The following ELP4 variants were observed in gnomAD, a reference collection of about 807,000 sequenced individuals.
ELP4 encodes the protein elongator complex protein 4.
Under a neutral mutation model 48.9 loss-of-function variants are expected in ELP4, and 51 were observed. The ratio of observed to expected loss-of-function variants is 1.04; its 90% CI spans 0.83 to 1.32. The LOEUF (loss-of-function observed/expected upper bound fraction) is 1.32, where lower values mean the gene tolerates loss of function less well. Ranked by LOEUF, ELP4 falls within the 40% of genes most tolerant of loss-of-function variation. ELP4 has a pLI of 0.00. For synonymous variants in ELP4, 210 were observed against 189.2 expected (o/e 1.11, Z -0.90); for missense variants, 519 against 514.6 (o/e 1.01, Z -0.08).
chr11:31,721,969 C>A (rs904099271), intron 9 of ELP4, among the ~76,000 whole-genome samples: 5 of 152,138 alleles, frequency 3.3e-5, no homozygotes, highest in African/African-American at 1.2e-4. Context: ...GCCTTCCTCG[C>A]TTTTATTATG....
chr11:31,620,431 A>G (rs1426317464), intron 5 of ELP4, among the ~76,000 whole-genome samples: 1 of 151,998 alleles, frequency 6.6e-6, no homozygotes, highest in African/African-American at 2.4e-5. Context: ...TACTAGGTGG[A>G]AAGAAAGTAG....
chr11:31,697,109 A>G (rs934688557), intron 9 of ELP4, among the ~76,000 whole-genome samples: 6 of 152,132 alleles, frequency 3.9e-5, no homozygotes, highest in Non-Finnish European at 8.8e-5. Flanking sequence ...AAGAAGAGCT[A>G]ACTATCCTAA....
At chr11:31,600,095 C>G (rs1317385152) in intron 4 of ELP4, 1 of 152,144 alleles carries the variant, frequency 6.6e-6, no homozygotes, top group East Asian at 1.9e-4. Context: ...CATATTACCA[C>G]TTACTAATGC....
intron 1 of ELP4, chr11:31,510,618 A>T (rs1181256687): frequency 2.6e-6 from 1 of 378,216 alleles, no homozygotes; most frequent in Admixed American, 4.5e-5. Flanking sequence ...ATCTGTGTAT[A>T]TATTTTTTAT....
intron 9 of ELP4, among the ~76,000 whole-genome samples, chr11:31,664,605 C>G (rs1196776813): frequency 1.3e-5 from 2 of 151,986 alleles, no homozygotes; most frequent in Non-Finnish European, 2.9e-5. Context: ...TTATTATAAC[C>G]TGATTTCTTC....
intron 2 of ELP4, among the ~76,000 whole-genome samples, chr11:31,538,516 T>C (rs1282194490): frequency 6.6e-6 from 1 of 150,490 alleles, no homozygotes; most frequent in Non-Finnish European, 1.5e-5. Context: ...TGATTAGAAG[T>C]GATGAAAGTG....
chr11:31,538,484 G>A (rs2133904406), intron 2 of ELP4, among the ~76,000 whole-genome samples: 1 of 149,458 alleles, frequency 6.7e-6, no homozygotes, highest in South Asian at 2.1e-4. Flanking sequence ...ACATTACACA[G>A]CTAAGACCTT....
intron 9 of ELP4, among the ~76,000 whole-genome samples, chr11:31,771,658 C>G (rs1008293230): frequency 6.6e-6 from 1 of 152,200 alleles, no homozygotes; most frequent in African/African-American, 2.4e-5. Context: ...ACTTCTTTCT[C>G]TGGGTCTTAT....
At chr11:31,578,356 T>C (rs1359456094) in intron 3 of ELP4, among the ~76,000 whole-genome samples, 5 of 152,094 alleles carry the variant, frequency 3.3e-5, no homozygotes, top group Non-Finnish European at 5.9e-5. Context: ...TGAAAATGAC[T>C]ATACTGCCCA....
At chr11:31,548,145 G>A (rs1481868815) in intron 3 of ELP4, among the ~76,000 whole-genome samples, 1 of 152,152 alleles carries the variant, frequency 6.6e-6, no homozygotes, top group Non-Finnish European at 1.5e-5. Flanking sequence ...AGGGCAATTA[G>A]GCAGGAGAAG....
intron 1 of ELP4, chr11:31,511,290 A>G (rs1273368042): frequency 1.3e-5 from 2 of 152,174 alleles, no homozygotes; most frequent in Non-Finnish European, 2.9e-5. Flanking sequence ...CTTACATTTG[A>G]ACTTTAAGTT....
At chr11:31,542,471 A>C (rs1306817121) in intron 3 of ELP4, among the ~76,000 whole-genome samples, 2 of 152,244 alleles carry the variant, frequency 1.3e-5, no homozygotes, top group African/African-American at 4.8e-5. Flanking sequence ...TATTAGAAGT[A>C]ACAATCCCCA....
intron 3 of ELP4, among the ~76,000 whole-genome samples, chr11:31,542,104 A>G (rs1451874008): frequency 6.6e-6 from 1 of 152,228 alleles, no homozygotes; most frequent in African/African-American, 2.4e-5. Flanking sequence ...AGCACAGGGT[A>G]TAGGAAACAA....
chr11:31,708,424 A>G (rs1339268655), intron 9 of ELP4, among the ~76,000 whole-genome samples: 3 of 152,184 alleles, frequency 2.0e-5, no homozygotes, highest in Non-Finnish European at 4.4e-5. Context: ...CAAGTGTATT[A>G]TACACATTTA....
At chr11:31,571,242 G>T (rs1252979129) in intron 3 of ELP4, among the ~76,000 whole-genome samples, 2 of 152,172 alleles carry the variant, frequency 1.3e-5, no homozygotes, top group African/African-American at 4.8e-5. Context: ...TAAATCCTTT[G>T]TTGTTATTTC....
At chr11:31,746,641 A>T (rs1032886471) in intron 9 of ELP4, among the ~76,000 whole-genome samples, 2 of 152,180 alleles carry the variant, frequency 1.3e-5, no homozygotes, top group Admixed American at 1.3e-4. Flanking sequence ...CGCAAGGACA[A>T]AAAACCAAAC....
At chr11:31,770,096 T>A (rs527578513) in intron 9 of ELP4, among the ~76,000 whole-genome samples, 19 of 152,242 alleles carry the variant, frequency 1.2e-4, no homozygotes, top group African/African-American at 4.6e-4. Flanking sequence ...AGGCACTAGA[T>A]CTGAAGCATC....
At chr11:31,630,518 A>G (rs1592173770) in intron 6 of ELP4, among the ~76,000 whole-genome samples, 1 of 151,910 alleles carries the variant, frequency 6.6e-6, no homozygotes, top group African/African-American at 2.4e-5. Flanking sequence ...TAGTAGAGAC[A>G]GGGTTTCACT....
chr11:31,515,728 G>A (rs1478385828), intron 1 of ELP4, among the ~76,000 whole-genome samples: 1 of 152,044 alleles, frequency 6.6e-6, no homozygotes, highest in Non-Finnish European at 1.5e-5. Context: ...TACCTTTCTG[G>A]GCCAGATACC....
Sources: allele counts gnomAD v4.1 joint callset (sites outside exome capture counted in the v4.1 genomes callset), GRCh38; gene constraint gnomAD v4.1.1; transcripts MANE v1.5; gene names NCBI Gene and HGNC (gene_info 2026-07-23, HGNC 2026-07-21).